The following QKI variants were observed in gnomAD, a reference collection of about 807,000 sequenced individuals.
The protein encoded by QKI is KH domain-containing RNA-binding protein QKI.
QKI carries 10 observed loss-of-function variants against 39.0 expected under a neutral mutation model. The observed-to-expected ratio is 0.26, with a 90% CI of 0.16 to 0.43. The LOEUF is 0.43. Among genes scored for constraint, QKI ranks in the 20% least tolerant of loss-of-function variants. QKI has a pLI of 1.00. For synonymous variants in QKI, 204 were observed against 155.4 expected, an observed-to-expected ratio of 1.31 and a Z score of -2.33; for missense variants, 218 against 428.0, an observed-to-expected ratio of 0.51 and a Z score of 4.33.
At chr6:163,497,674 AT>A (rs1562488781) in intron 3 of QKI, among the ~76,000 whole-genome samples, 9 of 151,566 alleles carry the variant, frequency 5.9e-5, no homozygotes, top group Non-Finnish European at 1.0e-4. Context: ...TTAAAACCCT[AT>A]TACCTTTGTA....
intron 2 of QKI, among the ~76,000 whole-genome samples, chr6:163,463,429 A>T (rs1479847118): frequency 6.6e-6 from 1 of 152,174 alleles, no homozygotes; most frequent in African/African-American, 2.4e-5. Context: ...GAACACTCAA[A>T]ACATACTGCA....
At chr6:163,437,830 C>A (rs956195491) in intron 1 of QKI, among the ~76,000 whole-genome samples, 1 of 152,128 alleles carries the variant, frequency 6.6e-6, no homozygotes, top group Non-Finnish European at 1.5e-5. Flanking sequence ...CTGTTTCCCT[C>A]AAATTATTCA....
chr6:163,443,660 T>C (rs1789924342), intron 1 of QKI, among the ~76,000 whole-genome samples: 1 of 152,270 alleles, frequency 6.6e-6, no homozygotes, highest in African/African-American at 2.4e-5. Flanking sequence ...ATGTATTTTC[T>C]TTCCTAAAAA....
chr6:163,568,477 A>G (rs1473538358), intron 7 of QKI: 5 of 985,568 alleles, frequency 5.1e-6, no homozygotes, highest in African/African-American at 3.5e-5. Context: ...TTTAAAATGC[A>G]GTGTCAGCAA....
At chr6:163,432,497 G>A (rs1788913650) in intron 1 of QKI, among the ~76,000 whole-genome samples, 1 of 151,356 alleles carries the variant, frequency 6.6e-6, no homozygotes, top group African/African-American at 2.4e-5. Flanking sequence ...GGGCTCAAGC[G>A]ATCCTCCTGC....
chr6:163,450,398 G>A (rs1583010419), intron 1 of QKI, among the ~76,000 whole-genome samples: 1 of 152,166 alleles, frequency 6.6e-6, no homozygotes, highest in East Asian at 1.9e-4. Context: ...AAAAGTAGCA[G>A]AGTGCACGTA....
At chr6:163,550,315 C>G (rs541157360) in intron 4 of QKI, among the ~76,000 whole-genome samples, 1 of 152,142 alleles carries the variant, frequency 6.6e-6, no homozygotes, top group South Asian at 2.1e-4. Context: ...GCCACCAGTT[C>G]TCTTCCTGTA....
Position 163,571,603 on chromosome 6 carries a change from T to C in QKI, c.*893T>C, listed in dbSNP as rs1214189626. ...ACATGTAATGAAATTGTAGATAAAG[T>C]GTAGTGCATTGAAACAAATGAACAA... is the stretch of plus-strand genomic sequence containing the variant. On this transcript the variant is annotated 3_prime_UTR_variant, in exon 8 of 8. Transcript: ENST00000361752. 6.6e-6 allele frequency: 1 copy of C among 151,960 alleles called. No homozygotes were observed. Among genetic ancestry groups the C allele is most frequent in the African/African-American group, 2.4e-5 (1 of 41,390 alleles). 9.4% of individuals were successfully genotyped at this position (151,960 alleles called of 1,614,324 possible). A position where few individuals can be genotyped will look rare whatever the true frequency, so the allele number is the denominator to read the frequency against.
chr6:163,450,051 G>GTATA (rs112584915), intron 1 of QKI, among the ~76,000 whole-genome samples: 5 of 151,494 alleles, frequency 3.3e-5, no homozygotes, highest in African/African-American at 1.2e-4. Context: ...GTATATATGT[G>GTATA]TATATATATA....
At chr6:163,486,388 G>A (rs1412857912) in intron 3 of QKI, among the ~76,000 whole-genome samples, 2 of 152,168 alleles carry the variant, frequency 1.3e-5, no homozygotes, top group African/African-American at 2.4e-5. Flanking sequence ...GAACTACAGT[G>A]TTTTGTGGAA....
intron 1 of QKI, among the ~76,000 whole-genome samples, chr6:163,435,358 A>G (rs1789177700): frequency 6.6e-6 from 1 of 152,194 alleles, no homozygotes; most frequent in Admixed American, 6.5e-5. Context: ...GCACATTTTT[A>G]TAATAAAGGT....
At chr6:163,524,869 C>T (rs909374766) in intron 3 of QKI, among the ~76,000 whole-genome samples, 6 of 152,104 alleles carry the variant, frequency 3.9e-5, no homozygotes, top group South Asian at 2.1e-4. Context: ...GACGGGTACT[C>T]GTCCATGTGC....
At chr6:163,425,093 G>C (rs1052779000) in intron 1 of QKI, among the ~76,000 whole-genome samples, 1 of 152,194 alleles carries the variant, frequency 6.6e-6, no homozygotes, top group Non-Finnish European at 1.5e-5. Flanking sequence ...CTAACATTCT[G>C]GTAGTTTAGA....
At chr6:163,516,855 T>C (rs1779832986) in intron 3 of QKI, among the ~76,000 whole-genome samples, 1 of 152,168 alleles carries the variant, frequency 6.6e-6, no homozygotes, top group Non-Finnish European at 1.5e-5. Flanking sequence ...AAAATACTCC[T>C]TATCATACTA....
In QKI at chr6:163,560,265, G is replaced by A. The variant is rs1782912868; in HGVS notation, c.547-1717G>A. Among the ~76,000 whole-genome samples the A allele has an allele frequency of 2.0e-5, 3 of 152,248 alleles. No individual in the cohort carries two copies. The South Asian group carries it at 6.2e-4, about 32-fold the overall frequency. On this transcript the variant is annotated intron_variant, in intron 4 of 7. Transcript: ENST00000361752. ...TAGAAGCAATTAACTTTGTCGATAG[G>A]TTCTTGGAGATACAACTTTAAACAA...
chr6:163,436,536 A>G (rs1345392744), intron 1 of QKI, among the ~76,000 whole-genome samples: 1 of 152,148 alleles, frequency 6.6e-6, no homozygotes. Flanking sequence ...AGAAATGGCA[A>G]GGTGCGGTGG....
chr6:163,470,583 A>G (rs1326944053), intron 2 of QKI, among the ~76,000 whole-genome samples: 2 of 152,190 alleles, frequency 1.3e-5, no homozygotes, highest in Non-Finnish European at 2.9e-5. Flanking sequence ...ATCTGAAGAA[A>G]CAGTCTGAAA....
chr6:163,562,906 C>T (rs1230731440), intron 5 of QKI, among the ~76,000 whole-genome samples: 2 of 152,096 alleles, frequency 1.3e-5, no homozygotes, highest in Non-Finnish European at 2.9e-5. Context: ...TTAAGATTTT[C>T]TGTGACGTTG....
chr6:163,431,849 C>T (rs1788861178), intron 1 of QKI, among the ~76,000 whole-genome samples: 1 of 146,106 alleles, frequency 6.8e-6, no homozygotes, highest in South Asian at 2.1e-4. Flanking sequence ...AAAAAAAACC[C>T]TGTAATTCTG....
Sources: allele counts gnomAD v4.1 joint callset (sites outside exome capture counted in the v4.1 genomes callset), GRCh38; gene constraint gnomAD v4.1.1; transcripts MANE v1.5; gene names NCBI Gene and HGNC (gene_info 2026-07-23, HGNC 2026-07-21).